SCAPER: variants seen among roughly 807,000 people sequenced by gnomAD.
The protein encoded by SCAPER is S phase cyclin A-associated protein in the endoplasmic reticulum.
A neutral mutation model predicts 182.2 loss-of-function variants in SCAPER; 98 were observed. That is an observed-to-expected ratio of 0.54 (90% confidence interval 0.46 to 0.64). The LOEUF is 0.64. Ranked by LOEUF, SCAPER falls within the 30% of genes least tolerant of loss-of-function variation. SCAPER has a pLI of 0.00. For missense variants in SCAPER, 1,432 were observed against 1,690.0 expected (o/e 0.85, Z 2.68); for synonymous variants, 605 against 564.6 (o/e 1.07, Z -1.01).
chr15:76,702,748 C>A, intron 19 of SCAPER, 102 bp downstream of exon 19: 1 of 1,370,266 alleles, frequency 7.3e-7, no homozygotes, highest in South Asian at 1.4e-5. Flanking sequence ...CACATCTCGC[C>A]TGCCTTAGCG....
chr15:76,808,997 G>A (rs1280831698), intron 5 of SCAPER, among the ~76,000 whole-genome samples: 2 of 152,138 alleles, frequency 1.3e-5, no homozygotes, highest in African/African-American at 2.4e-5. Flanking sequence ...TGAGAGATGG[G>A]TTTCTAACTT....
intron 14 of SCAPER, among the ~76,000 whole-genome samples, chr15:76,756,117 G>A (rs936922013): frequency 5.3e-5 from 8 of 151,980 alleles, no homozygotes; most frequent in African/African-American, 1.9e-4. Context: ...GGTGGTGCAC[G>A]CCTATAATCC....
intron 5 of SCAPER, among the ~76,000 whole-genome samples, chr15:76,840,158 C>T (rs1173961398): frequency 1.3e-5 from 2 of 152,098 alleles, no homozygotes; most frequent in African/African-American, 4.8e-5. Context: ...TGGCTCATAC[C>T]TATAATCCCA....
chr15:76,424,842 G>C (rs1196159451), intron 26 of SCAPER, among the ~76,000 whole-genome samples: 1 of 152,162 alleles, frequency 6.6e-6, no homozygotes, highest in East Asian at 1.9e-4. Context: ...GCATTTGCTT[G>C]TCTGTAAAGG....
chr15:76,547,442 A>C (rs2045388163), intron 23 of SCAPER, among the ~76,000 whole-genome samples: 1 of 152,054 alleles, frequency 6.6e-6, no homozygotes, highest in South Asian at 2.1e-4. Context: ...TATCTTCTTT[A>C]TATTCTTTGG....
At chr15:76,862,915 T>C (rs2071990942) in intron 2 of SCAPER, among the ~76,000 whole-genome samples, 1 of 152,174 alleles carries the variant, frequency 6.6e-6, no homozygotes, top group East Asian at 1.9e-4. Flanking sequence ...CAGCATAAAA[T>C]ATTTTGGAAA....
chr15:76,839,612 G>C (rs1355980230), intron 5 of SCAPER, among the ~76,000 whole-genome samples: 1 of 152,176 alleles, frequency 6.6e-6, no homozygotes, highest in African/African-American at 2.4e-5. Flanking sequence ...TGAGCATCTT[G>C]GCACAGAATA....
At chr15:76,545,335 C>T (rs1253613313) in intron 23 of SCAPER, among the ~76,000 whole-genome samples, 3 of 152,124 alleles carry the variant, frequency 2.0e-5, no homozygotes, top group African/African-American at 4.8e-5. Context: ...CCTGAACATT[C>T]TGTGCTAGAG....
intron 23 of SCAPER, among the ~76,000 whole-genome samples, chr15:76,562,968 T>C (rs983724071): frequency 6.6e-6 from 1 of 152,180 alleles, no homozygotes; most frequent in Non-Finnish European, 1.5e-5. Flanking sequence ...GCCATCAAAA[T>C]GCAGACAGTA....
intron 9 of SCAPER, among the ~76,000 whole-genome samples, chr15:76,772,413 A>G (rs566850103): frequency 6.6e-6 from 1 of 152,136 alleles, no homozygotes; most frequent in South Asian, 2.1e-4. Context: ...CAATTTTTAC[A>G]ACAATATATT....
chr15:76,789,647 C>T (rs1029088774), intron 8 of SCAPER, among the ~76,000 whole-genome samples: 1 of 152,010 alleles, frequency 6.6e-6, no homozygotes, highest in Non-Finnish European at 1.5e-5. Context: ...AAAAATTATT[C>T]CCATAATAAA....
chr15:76,781,469 G>T (rs1280761965), intron 8 of SCAPER, among the ~76,000 whole-genome samples: 1 of 152,146 alleles, frequency 6.6e-6, no homozygotes, highest in Non-Finnish European at 1.5e-5. Context: ...CACTCTTCAG[G>T]ATATTATCCA....
chr15:76,727,701 G>T (rs2060673936), intron 17 of SCAPER, among the ~76,000 whole-genome samples: 1 of 151,948 alleles, frequency 6.6e-6, no homozygotes, highest in African/African-American at 2.4e-5. Context: ...ATTATAGTTT[G>T]TTCAGTTCTA....
chr15:76,348,860 G>A (rs1596248069), intron 31 of SCAPER, 124 bp from the exon 32 acceptor site: 3 of 600,668 alleles, frequency 5.0e-6, no homozygotes, highest in African/African-American at 3.7e-5. Context: ...AATAAACCAT[G>A]ACACAATTTA....
intron 26 of SCAPER, among the ~76,000 whole-genome samples, chr15:76,433,844 G>A (rs284890): frequency 0.97 from 147,945 of 152,282 alleles, 72,001 homozygotes; most frequent in South Asian, 1. Flanking sequence ...ACAGACAGAC[G>A]TGCTGTCTGC....
chr15:76,381,930 C>A (rs927645884), intron 27 of SCAPER, among the ~76,000 whole-genome samples: 1 of 152,048 alleles, frequency 6.6e-6, no homozygotes, highest in African/African-American at 2.4e-5. Flanking sequence ...TGGGTCTGGG[C>A]AAAGTTGACA....
intron 21 of SCAPER, among the ~76,000 whole-genome samples, chr15:76,648,510 A>G (rs910372857): frequency 6.6e-6 from 1 of 152,204 alleles, no homozygotes; most frequent in Non-Finnish European, 1.5e-5. Context: ...GGTAAAATAT[A>G]AACTCACAGA....
intron 3 of SCAPER, among the ~76,000 whole-genome samples, chr15:76,859,876 C>A (rs1453532596): frequency 6.6e-5 from 10 of 151,990 alleles, no homozygotes; most frequent in Admixed American, 6.6e-4. Flanking sequence ...TGCCATGCCC[C>A]GCTAATTGTT....
At chr15:76,389,114 T>C (rs991083025) in intron 27 of SCAPER, among the ~76,000 whole-genome samples, 1 of 152,166 alleles carries the variant, frequency 6.6e-6, no homozygotes, top group Non-Finnish European at 1.5e-5. Context: ...AAAATGGGGA[T>C]GACTTAATGG....
Sources: allele counts gnomAD v4.1 joint callset (sites outside exome capture counted in the v4.1 genomes callset), GRCh38; gene constraint gnomAD v4.1.1; transcripts MANE v1.5; gene names NCBI Gene and HGNC (gene_info 2026-07-23, HGNC 2026-07-21).